The following PTPRD variants were observed in gnomAD, a reference collection of about 807,000 sequenced individuals.
PTPRD encodes the protein receptor-type tyrosine-protein phosphatase delta.
Under a neutral mutation model 214.5 loss-of-function variants are expected in PTPRD, and 34 were observed. The ratio of observed to expected loss-of-function variants is 0.16; its 90% CI spans 0.12 to 0.21. The LOEUF (loss-of-function observed/expected upper bound fraction) is 0.21, where lower values mean the gene tolerates loss of function less well. Ranked by LOEUF, PTPRD falls within the 10% of genes least tolerant of loss-of-function variation. The pLI is 1.00. For missense variants in PTPRD, 2,545 were observed against 2,398.7 expected, an observed-to-expected ratio of 1.06 and a Z score of -1.27; for synonymous variants, 1,128 against 845.7, an observed-to-expected ratio of 1.33 and a Z score of -5.79.
In PTPRD at chr9:10,182,132, T is replaced by G. The variant is rs538038429; in HGVS notation, c.-544-148342A>C. On this transcript the variant is annotated intron_variant, in intron 3 of 45. Transcript: ENST00000381196. ...AAAAAAATCCGGGTGTGGTGGTGTG[T>G]GCCTGTAGTCCCAGCTATTCGGGAG... Among the ~76,000 whole-genome samples the G allele has an allele frequency of 7.2e-4, 106 of 147,478 alleles. 1 individual carries two copies. Among genetic ancestry groups the G allele is most frequent in the African/African-American group, 2.5e-3 (103 of 40,402 alleles).
chr9:10,417,574 T>C (rs1428655709), intron 2 of PTPRD, among the ~76,000 whole-genome samples: 2 of 151,850 alleles, frequency 1.3e-5, no homozygotes, highest in East Asian at 1.9e-4. Context: ...AGCATGGTAA[T>C]ATTTATTTGC....
chr9:9,165,834 T>C (rs2099902427), intron 10 of PTPRD, among the ~76,000 whole-genome samples: 1 of 152,214 alleles, frequency 6.6e-6, no homozygotes, highest in African/African-American at 2.4e-5. Context: ...AAGATACTGA[T>C]GTAGATATAA....
chr9:8,662,012 G>A (rs913076227), intron 12 of PTPRD, among the ~76,000 whole-genome samples: 4 of 152,082 alleles, frequency 2.6e-5, no homozygotes, highest in Non-Finnish European at 4.4e-5. Context: ...AAACCTCCGG[G>A]TTCAAGTGAT....
intron 14 of PTPRD, among the ~76,000 whole-genome samples, chr9:8,586,906 G>A (rs2093699318): frequency 6.6e-6 from 1 of 152,216 alleles, no homozygotes; most frequent in South Asian, 2.1e-4. Flanking sequence ...CCAGCACTTT[G>A]GGAGACTGAG....
At chr9:9,300,124 C>T (rs1469133431) in intron 9 of PTPRD, among the ~76,000 whole-genome samples, 1 of 150,896 alleles carries the variant, frequency 6.6e-6, no homozygotes, top group African/African-American at 2.4e-5. Flanking sequence ...TGCCTTCTTC[C>T]AATCCATGAG....
At chr9:8,657,464 C>T (rs561543464) in intron 12 of PTPRD, among the ~76,000 whole-genome samples, 7 of 152,074 alleles carry the variant, frequency 4.6e-5, no homozygotes, top group South Asian at 2.1e-4. Flanking sequence ...CCACCGTGCC[C>T]GGCCTGCCCA....
chr9:10,476,628 G>C (rs1347213102), intron 2 of PTPRD, among the ~76,000 whole-genome samples: 6 of 150,672 alleles, frequency 4.0e-5, no homozygotes, highest in African/African-American at 7.5e-5. Context: ...CACAGAGCTA[G>C]GAAAAACTAA....
intron 35 of PTPRD, among the ~76,000 whole-genome samples, chr9:8,427,826 T>C (rs2094788535): frequency 6.6e-6 from 1 of 152,120 alleles, no homozygotes; most frequent in East Asian, 1.9e-4. Flanking sequence ...CATCTTAAAA[T>C]TGATGGCATC....
At chr9:9,777,428 C>T (rs550185652) in intron 5 of PTPRD, among the ~76,000 whole-genome samples, 1 of 152,022 alleles carries the variant, frequency 6.6e-6, no homozygotes, top group Non-Finnish European at 1.5e-5. Flanking sequence ...GGTGTGGTGG[C>T]TAATGCTTGT....
intron 5 of PTPRD, among the ~76,000 whole-genome samples, chr9:9,820,446 C>T (rs1456182684): frequency 3.3e-5 from 5 of 152,072 alleles, no homozygotes; most frequent in Admixed American, 3.3e-4. Flanking sequence ...TCTGTTTACT[C>T]TGTTGCTAGT....
At chr9:9,527,521 A>G (rs1412931536) in intron 8 of PTPRD, among the ~76,000 whole-genome samples, 1 of 152,192 alleles carries the variant, frequency 6.6e-6, no homozygotes, top group Non-Finnish European at 1.5e-5. Flanking sequence ...TTTAGGGGAA[A>G]ATCAGGACAA....
intron 2 of PTPRD, among the ~76,000 whole-genome samples, chr9:10,407,093 AC>A (rs2098375200): frequency 6.6e-6 from 1 of 151,632 alleles, no homozygotes; most frequent in African/African-American, 2.4e-5. Context: ...ACGTCTTCTC[AC>A]CAACAAATTT....
intron 3 of PTPRD, among the ~76,000 whole-genome samples, chr9:10,195,063 G>A (rs1010298793): frequency 4.7e-5 from 7 of 147,708 alleles, no homozygotes; most frequent in African/African-American, 1.7e-4. Flanking sequence ...CTTCCAAGTA[G>A]CTGGCACTAC....
At chr9:9,042,406 G>A (rs1004867198) in intron 10 of PTPRD, among the ~76,000 whole-genome samples, 3 of 152,104 alleles carry the variant, frequency 2.0e-5, no homozygotes, top group African/African-American at 4.8e-5. Flanking sequence ...GGAGGCAGGA[G>A]AACAGTTAGA....
intron 3 of PTPRD, among the ~76,000 whole-genome samples, chr9:10,274,738 T>C (rs1467999256): frequency 6.6e-6 from 1 of 152,164 alleles, no homozygotes; most frequent in Admixed American, 6.5e-5. Context: ...AGCTATTCCA[T>C]TTAAATATTT....
At chr9:10,452,619 G>A (rs975786620) in intron 2 of PTPRD, among the ~76,000 whole-genome samples, 7 of 151,650 alleles carry the variant, frequency 4.6e-5, no homozygotes, top group African/African-American at 1.7e-4. Flanking sequence ...CCATTTGTAT[G>A]TCTTCTGAAA....
intron 2 of PTPRD, among the ~76,000 whole-genome samples, chr9:10,568,855 C>T (rs569701869): frequency 1.1e-4 from 17 of 152,054 alleles, no homozygotes; most frequent in African/African-American, 3.1e-4. Flanking sequence ...GCAGGACATA[C>T]GCTTGGGCAA....
At chr9:9,761,286 C>T (rs1565060782) in intron 6 of PTPRD, among the ~76,000 whole-genome samples, 1 of 152,002 alleles carries the variant, frequency 6.6e-6, no homozygotes. Context: ...AAACCCAATC[C>T]CAAAAGGTAT....
At chr9:8,990,063 G>A (rs183479184) in intron 11 of PTPRD, among the ~76,000 whole-genome samples, 1 of 152,122 alleles carries the variant, frequency 6.6e-6, no homozygotes, top group African/African-American at 2.4e-5. Context: ...ATTTGGACTT[G>A]TCTTTTCCCA....
Sources: gnomAD v4.1 joint callset for allele counts (sites outside exome capture counted in the v4.1 genomes callset) on GRCh38, gnomAD v4.1.1 for gene constraint, MANE v1.5 for transcripts, NCBI Gene and HGNC (gene_info 2026-07-23, HGNC 2026-07-21) for gene names.